Variants in ZYG11B observed in about 807,000 individuals in gnomAD.
ZYG11B encodes zyg-11 family member B, cell cycle regulator.
Under a neutral mutation model 82.4 loss-of-function variants are expected in ZYG11B, and 36 were observed. The observed-to-expected ratio is 0.44, with a 90% CI of 0.33 to 0.58. The LOEUF (loss-of-function observed/expected upper bound fraction) is 0.58, where lower values mean the gene tolerates loss of function less well. ZYG11B is among the 20% of genes least tolerant of loss of function. ZYG11B has a pLI of 0.02. For missense variants in ZYG11B, 552 were observed against 895.6 expected (o/e 0.62, Z 4.90); for synonymous variants, 303 against 312.8 (o/e 0.97, Z 0.33).
intron 10 of ZYG11B, among the ~76,000 whole-genome samples, chr1:52,813,034 C>T (rs916593892): frequency 2.0e-5 from 3 of 152,182 alleles, no homozygotes; most frequent in Admixed American, 6.5e-5. Flanking sequence ...CTTTACCCTA[C>T]GGTTCATATA....
chr1:52,793,192 G>C (rs981020288), intron 6 of ZYG11B, among the ~76,000 whole-genome samples: 1 of 151,996 alleles, frequency 6.6e-6, no homozygotes, highest in African/African-American at 2.4e-5. Context: ...AGTTCAGCGA[G>C]GTTAAGGAAT....
At chr1:52,803,466 A>G (rs1051447580) in intron 10 of ZYG11B, among the ~76,000 whole-genome samples, 18 of 149,250 alleles carry the variant, frequency 1.2e-4, no homozygotes, top group Admixed American at 4.7e-4. Context: ...ACCACAACAC[A>G]TATATGTGTG....
At chr1:52,750,095 A>G (rs1409667393) in intron 1 of ZYG11B, among the ~76,000 whole-genome samples, 1 of 151,722 alleles carries the variant, frequency 6.6e-6, no homozygotes, top group Non-Finnish European at 1.5e-5. Flanking sequence ...TAAACTATTT[A>G]TTTTATTTTA....
At position 52,815,613 on chromosome 1, in the gene ZYG11B, C is replaced by T. The variant is rs1210743115; in HGVS notation, c.1947-919C>T. ...CCAGCCTGAGCAACAGAGTGAGACCCTGTCTCAAATAAATAAATAAATGTA... is the reference window on the plus strand; with the variant it reads ...CCAGCCTGAGCAACAGAGTGAGACCTTGTCTCAAATAAATAAATAAATGTA... On this transcript the variant is annotated intron_variant, in intron 12 of 13. Transcript: ENST00000294353. Among the ~76,000 whole-genome samples the T allele has an allele frequency of 2.6e-5, 4 of 152,008 alleles. No homozygotes were observed. The South Asian group carries it at 8.3e-4, about 32-fold the overall frequency.
At chr1:52,800,767 G>A (rs989734402) in intron 8 of ZYG11B, among the ~76,000 whole-genome samples, 4 of 151,912 alleles carry the variant, frequency 2.6e-5, no homozygotes, top group African/African-American at 4.8e-5. Context: ...CTGAGATTGC[G>A]CCACTTCACT....
intron 1 of ZYG11B, among the ~76,000 whole-genome samples, chr1:52,733,147 T>C (rs1644347991): frequency 6.6e-6 from 1 of 152,182 alleles, no homozygotes; most frequent in Admixed American, 6.5e-5. Context: ...TCAGAGTATC[T>C]TGCATTGAAT....
chr1:52,808,459 G>A (rs1645159308), intron 10 of ZYG11B, among the ~76,000 whole-genome samples: 1 of 152,172 alleles, frequency 6.6e-6, no homozygotes, highest in Non-Finnish European at 1.5e-5. Flanking sequence ...CTATATTTGG[G>A]ATTTATTGAG....
chr1:52,810,819 G>C (rs1406622067), intron 10 of ZYG11B, among the ~76,000 whole-genome samples: 1 of 152,038 alleles, frequency 6.6e-6, no homozygotes, highest in African/African-American at 2.4e-5. Flanking sequence ...CGGATCACCT[G>C]AGGTCAGGAG....
intron 10 of ZYG11B, among the ~76,000 whole-genome samples, chr1:52,807,616 T>A (rs1645151998): frequency 6.6e-6 from 1 of 151,374 alleles, no homozygotes; most frequent in South Asian, 2.1e-4. Flanking sequence ...CTCAACTTCC[T>A]GAGTAGTTGG....
At chr1:52,762,775 T>G (rs1644643280) in intron 2 of ZYG11B, among the ~76,000 whole-genome samples, 1 of 151,238 alleles carries the variant, frequency 6.6e-6, no homozygotes, top group South Asian at 2.1e-4. Context: ...AGAGACAGGG[T>G]TTCACCATGT....
chr1:52,761,068 G>A lies in ZYG11B; in HGVS notation c.196+4445G>A, dbSNP rs141523428. On this transcript the variant is annotated intron_variant, in intron 2 of 13. Coordinates refer to ENST00000294353, the MANE Select transcript of ZYG11B (RefSeq NM_024646.3). ...GTGAACCACTGTGCCTGGTGCTGGC[G>A]TATTTTTAAATTGACATATAATAAT... Among the ~76,000 whole-genome samples, 310 of 152,098 alleles carry A rather than the reference G, an allele frequency of 2.0e-3. 3 individuals are homozygous for A. The highest frequency in any genetic ancestry group is 3.8e-4 in the Non-Finnish European group (26 of 67,990).
chr1:52,737,974 G>A (rs1644391852), intron 1 of ZYG11B, among the ~76,000 whole-genome samples: 1 of 152,194 alleles, frequency 6.6e-6, no homozygotes, highest in South Asian at 2.1e-4. Context: ...TTTGACCTAG[G>A]ATAAATGTTC....
At chr1:52,799,360 G>C (rs558799615) in intron 8 of ZYG11B, among the ~76,000 whole-genome samples, 1 of 149,094 alleles carries the variant, frequency 6.7e-6, no homozygotes, top group Non-Finnish European at 1.5e-5. Flanking sequence ...GGTGGCAGGC[G>C]CCTGTAGTCC....
chr1:52,739,641 TGA>T (rs71246236), intron 1 of ZYG11B, among the ~76,000 whole-genome samples: 1 of 152,102 alleles, frequency 6.6e-6, no homozygotes, highest in Admixed American at 6.6e-5. Context: ...TGTTTTTTTT[TGA>T]GAGAGTCTCA....
chr1:52,797,197 ATTATTTATATATAATATATAAATATAT>A (rs1645026226), intron 8 of ZYG11B, among the ~76,000 whole-genome samples: 1 of 70,028 alleles, frequency 1.4e-5, no homozygotes, highest in Non-Finnish European at 2.3e-5. Context: ...TTATATATAA[ATTATTTATATATAATATATAAATATAT>A]ATTATATAAT....
intron 10 of ZYG11B, among the ~76,000 whole-genome samples, chr1:52,812,359 T>A (rs557258709): frequency 6.6e-6 from 1 of 152,248 alleles, no homozygotes; most frequent in Non-Finnish European, 1.5e-5. Flanking sequence ...ATCAAGTTGC[T>A]CTTCTTGAAG....
In ZYG11B at chr1:52,771,099, G is replaced by A. The variant is rs1200071555; in HGVS notation, c.276G>A (p.Lys92=). The A allele has an allele frequency of 6.2e-7, 1 of 1,614,214 alleles. No homozygotes were observed. The highest frequency in any genetic ancestry group is 8.5e-7 in the Non-Finnish European group (1 of 1,180,044). ...RLKRACIRKA[K]ISAVAFRKAF... ...AGCGAGCCTGCATTCGCAAAGCAAA[G>A]ATCTCTGCTGTTGCTTTCCGGAAAG... is the stretch of plus-strand genomic sequence containing the variant. The change falls in exon 3 of 14, where the codon AAG becomes AAA. Residue 92 remains lysine (K), a synonymous_variant. Coordinates refer to ENST00000294353, the MANE Select transcript of ZYG11B (RefSeq NM_024646.3). The surrounding 1 kb of genome is among the most constrained non-coding windows in gnomAD (Gnocchi z 5.4).
chr1:52,757,835 A>T (rs12036764), intron 2 of ZYG11B, among the ~76,000 whole-genome samples: 2 of 152,046 alleles, frequency 1.3e-5, no homozygotes, highest in East Asian at 3.9e-4. Flanking sequence ...CTGAAAATCA[A>T]CTGGGAAGCT....
intron 8 of ZYG11B, among the ~76,000 whole-genome samples, chr1:52,799,284 G>A (rs889493315): frequency 2.6e-5 from 4 of 151,928 alleles, no homozygotes; most frequent in African/African-American, 7.3e-5. Flanking sequence ...TCAGGAGATC[G>A]AGACCATCCT....
Sources: gnomAD v4.1 joint callset for allele counts (sites outside exome capture counted in the v4.1 genomes callset) on GRCh38, gnomAD v4.1.1 for gene constraint, Gnocchi (gnomAD v3.1) non-coding constraint, MANE v1.5 for transcripts, NCBI Gene and HGNC (gene_info 2026-07-23, HGNC 2026-07-21) for gene names.